The following RIMS2 variants were observed in gnomAD, a reference collection of about 807,000 sequenced individuals.
The protein encoded by RIMS2 is regulating synaptic membrane exocytosis protein 2.
RIMS2 carries 59 observed loss-of-function variants against 174.4 expected under a neutral mutation model. That is an observed-to-expected ratio of 0.34 (90% CI 0.27 to 0.42). The LOEUF (loss-of-function observed/expected upper bound fraction) is 0.42, where lower values mean the gene tolerates loss of function less well. RIMS2 is among the 10% of genes least tolerant of loss of function. The pLI, the probability that RIMS2 is intolerant of heterozygous loss-of-function variation, is 1.00. For missense variants in RIMS2, 1,620 were observed against 1,666.3 expected (o/e 0.97, Z 0.48); for synonymous variants, 606 against 572.5 (o/e 1.06, Z -0.84).
chr8:103,652,759 C>A, intron 1 of RIMS2, 49 bp downstream of exon 3: 2 of 1,087,458 alleles, frequency 1.8e-6, no homozygotes, highest in Non-Finnish European at 2.5e-6. Context: ...GATAGTATAA[C>A]ATACTGAAAA....
chr8:103,590,455 C>T (rs1167434189), intron 1 of RIMS2, among the ~76,000 whole-genome samples: 1 of 151,214 alleles, frequency 6.6e-6, no homozygotes, highest in Admixed American at 6.6e-5. Flanking sequence ...ATGCTTTCTT[C>T]CTGTGAAACT....
chr8:103,531,248 C>G (rs559338334), intron 1 of RIMS2, among the ~76,000 whole-genome samples: 2 of 151,886 alleles, frequency 1.3e-5, no homozygotes, highest in Non-Finnish European at 2.9e-5. Flanking sequence ...ATACCAAAAT[C>G]GACCATCTCC....
intron 1 of RIMS2, among the ~76,000 whole-genome samples, chr8:103,547,853 TA>T: frequency 6.6e-6 from 1 of 151,936 alleles, no homozygotes; most frequent in South Asian, 2.1e-4. Flanking sequence ...ACAGAAATAC[TA>T]AAAAACCTTC....
intron 1 of RIMS2, among the ~76,000 whole-genome samples, chr8:103,648,591 C>T (rs1379550277): frequency 1.3e-5 from 2 of 152,020 alleles, no homozygotes; most frequent in African/African-American, 2.4e-5. Context: ...CGTTTTGTCT[C>T]TAAGAACTTG....
intron 9 of RIMS2, among the ~76,000 whole-genome samples, chr8:103,921,254 T>A (rs1056090071): frequency 6.6e-6 from 1 of 152,208 alleles, no homozygotes; most frequent in African/African-American, 2.4e-5. Context: ...AAAAATTTAA[T>A]AATTTTGCAC....
chr8:104,084,800 A>G (rs1185374530), intron 19 of RIMS2, among the ~76,000 whole-genome samples: 6 of 152,118 alleles, frequency 3.9e-5, no homozygotes, highest in Non-Finnish European at 5.9e-5. Flanking sequence ...TTTAAAACTC[A>G]TATTTGTCCT....
intron 19 of RIMS2, among the ~76,000 whole-genome samples, chr8:104,124,954 G>A (rs2098416378): frequency 7.1e-6 from 1 of 141,328 alleles, no homozygotes; most frequent in Non-Finnish European, 1.5e-5. Context: ...TGAAAAACAA[G>A]AAGACAAAGC....
At chr8:104,080,453 T>C (rs1598399874) in intron 19 of RIMS2, among the ~76,000 whole-genome samples, 3 of 152,072 alleles carry the variant, frequency 2.0e-5, no homozygotes, top group African/African-American at 7.2e-5. Flanking sequence ...CTACTAGACA[T>C]GTTCTCACAA....
intron 17 of RIMS2, 132 bp from the exon 20 acceptor site, chr8:104,013,310 G>T: frequency 1.4e-6 from 1 of 716,462 alleles, no homozygotes; most frequent in South Asian, 2.5e-5. Context: ...GAATATGTTG[G>T]GGAAAAGAAA....
rs79136215 is a variant in RIMS2 at position 104,120,045 on chromosome 8, C to T, written c.3334+105430C>T. Among the ~76,000 whole-genome samples the T allele has an allele frequency of 4.7e-4, 71 of 152,262 alleles. 1 individual carries two copies. Among genetic ancestry groups the T allele is most frequent in the Non-Finnish European group, 9.0e-4 (61 of 68,008 alleles). The stretch of plus-strand genomic sequence containing the variant: ...CTATAATAGAGACAGCACTGAATTG[C>T]ATAGATTCTAATTTCATCTTGACTC... On this transcript the variant is annotated intron_variant, in intron 19 of 23. Transcript: ENST00000504942.
intron 19 of RIMS2, among the ~76,000 whole-genome samples, chr8:104,232,222 T>G (rs552996591): frequency 1.3e-5 from 2 of 152,220 alleles, no homozygotes; most frequent in Admixed American, 6.5e-5. Flanking sequence ...GTTGTTATTG[T>G]GGAATGAAAA....
At chr8:103,654,072 T>G (rs563076485) in intron 1 of RIMS2, among the ~76,000 whole-genome samples, 1 of 152,162 alleles carries the variant, frequency 6.6e-6, no homozygotes, top group Admixed American at 6.5e-5. Context: ...ATTGTTTTGC[T>G]TTTTCACTAT....
intron 2 of RIMS2, among the ~76,000 whole-genome samples, chr8:103,759,551 C>T (rs1276074034): frequency 3.4e-5 from 4 of 116,658 alleles, no homozygotes; most frequent in Non-Finnish European, 6.4e-5. Context: ...GGCGACAGAG[C>T]GAGACTCCGT....
At chr8:103,666,759 A>T (rs2111492) in intron 1 of RIMS2, among the ~76,000 whole-genome samples, 1 of 151,910 alleles carries the variant, frequency 6.6e-6, no homozygotes, top group Non-Finnish European at 1.5e-5. Context: ...ACCTCCCATA[A>T]TTTTGTTTAA....
intron 19 of RIMS2, among the ~76,000 whole-genome samples, chr8:104,130,444 T>C (rs2098465471): frequency 6.6e-6 from 1 of 152,162 alleles, no homozygotes; most frequent in African/African-American, 2.4e-5. Flanking sequence ...CTGAAACTTT[T>C]AGCATAGTGG....
chr8:103,883,017 T>A lies in RIMS2; in HGVS notation c.699-2281T>A, dbSNP rs1485610728. 2.6e-5 allele frequency among the ~76,000 whole-genome samples: 4 copies of A among 151,788 alleles called. No individual in the cohort carries two copies. The East Asian group carries it at 7.8e-4, about 29-fold the overall frequency. ...GCATTAAGCTTTCATGTAGGCTTATTAACTTGATGAAGTTGTGGTATCAAT... is the reference window on the plus strand; with the variant it reads ...GCATTAAGCTTTCATGTAGGCTTATAAACTTGATGAAGTTGTGGTATCAAT... On this transcript the variant is annotated intron_variant, in intron 3 of 23. Coordinates refer to ENST00000504942, the Ensembl canonical transcript of RIMS2.
intron 1 of RIMS2, among the ~76,000 whole-genome samples, chr8:103,597,227 G>T (rs1472638035): frequency 6.6e-6 from 1 of 152,148 alleles, no homozygotes; most frequent in Non-Finnish European, 1.5e-5. Flanking sequence ...TTTAACTATA[G>T]TGAGTTTTAG....
chr8:103,738,674 A>G (rs2097719039), intron 2 of RIMS2, among the ~76,000 whole-genome samples: 1 of 152,226 alleles, frequency 6.6e-6, no homozygotes, highest in Non-Finnish European at 1.5e-5. Context: ...AAGAACTCAA[A>G]CAAATTTACA....
intron 3 of RIMS2, among the ~76,000 whole-genome samples, chr8:103,868,090 T>C (rs2099092222): frequency 6.6e-6 from 1 of 152,080 alleles, no homozygotes; most frequent in South Asian, 2.1e-4. Flanking sequence ...TTTGTAGTGC[T>C]AGGGATAATT....
Sources: gnomAD v4.1 joint callset for allele counts (sites outside exome capture counted in the v4.1 genomes callset) on GRCh38, gnomAD v4.1.1 for gene constraint, MANE v1.5 for transcripts, NCBI Gene and HGNC (gene_info 2026-07-23, HGNC 2026-07-21) for gene names.